CRADD: variants seen among roughly 807,000 people sequenced by gnomAD.
CRADD encodes CARD and death domain containing adaptor protein.
In CRADD, 9 loss-of-function variants were observed where a neutral mutation model predicts 15.5. The ratio of observed to expected loss-of-function variants is 0.58; its 90% CI spans 0.35 to 1.01. The LOEUF (loss-of-function observed/expected upper bound fraction) is 1.01, where lower values mean the gene tolerates loss of function less well. Ranked by LOEUF, CRADD falls within the 50% of genes least tolerant of loss-of-function variation. The pLI, the probability that CRADD is intolerant of heterozygous loss-of-function variation, is 0.02. For missense variants in CRADD, 227 were observed against 250.3 expected (o/e 0.91, Z 0.63); for synonymous variants, 118 against 107.6 (o/e 1.10, Z -0.60).
intron 2 of CRADD, among the ~76,000 whole-genome samples, chr12:93,694,434 C>T (rs2136821632): frequency 6.6e-6 from 1 of 152,232 alleles, no homozygotes; most frequent in East Asian, 1.9e-4. Flanking sequence ...CCACTCTCAC[C>T]ACTCTTACTC....
intron 2 of CRADD, among the ~76,000 whole-genome samples, chr12:93,863,414 T>C (rs1958333501): frequency 6.6e-6 from 1 of 152,210 alleles, no homozygotes; most frequent in Non-Finnish European, 1.5e-5. Context: ...TGCTTGGTAA[T>C]TGAACTTGAG....
chr12:93,782,842 T>A (rs1397309909), intron 2 of CRADD, among the ~76,000 whole-genome samples: 1 of 152,188 alleles, frequency 6.6e-6, no homozygotes, highest in African/African-American at 2.4e-5. Context: ...ATATGAGGCC[T>A]AAGACTCTTT....
In CRADD at chr12:93,786,130, C is replaced by T. The variant is rs140102124; in HGVS notation, c.299-63840C>T. Reference sequence around the variant, plus strand: ...TACAAATCCATGTTTTATGCAAAACCTCATATTTCTAAACTTTGGCAATTC... The same window carrying T: ...TACAAATCCATGTTTTATGCAAAACTTCATATTTCTAAACTTTGGCAATTC... On this transcript the variant is annotated intron_variant, in intron 2 of 2. Transcript: ENST00000332896. 3.3e-4 allele frequency among the ~76,000 whole-genome samples: 50 copies of T among 152,282 alleles called. No homozygotes were observed. The East Asian group carries it at 9.3e-3, about 28-fold the overall frequency.
chr12:93,756,425 G>A (rs528355601), intron 2 of CRADD, among the ~76,000 whole-genome samples: 2 of 152,278 alleles, frequency 1.3e-5, no homozygotes, highest in African/African-American at 4.8e-5. Context: ...TAAGACTTAG[G>A]CCCATTACTC....
At chr12:93,817,693 C>G (rs148929767) in intron 2 of CRADD, among the ~76,000 whole-genome samples, 16 of 152,146 alleles carry the variant, frequency 1.1e-4, no homozygotes, top group Middle Eastern at 6.8e-3. Context: ...TTGGGGCCTT[C>G]GAATCCACTC....
At chr12:93,887,992 G>A (rs950367581) in intron 2 of CRADD, among the ~76,000 whole-genome samples, 4 of 152,180 alleles carry the variant, frequency 2.6e-5, no homozygotes. Flanking sequence ...AGTGCCACCT[G>A]AGCTGAGACC....
intron 2 of CRADD, among the ~76,000 whole-genome samples, chr12:93,684,076 A>G (rs142972298): frequency 3.3e-5 from 5 of 152,240 alleles, no homozygotes; most frequent in African/African-American, 1.2e-4. Flanking sequence ...CGATTTTCAT[A>G]TACTTCCTAA....
At chr12:93,892,885 G>A (rs1038201089) in intron 2 of CRADD, among the ~76,000 whole-genome samples, 20 of 152,118 alleles carry the variant, frequency 1.3e-4, no homozygotes, top group African/African-American at 4.8e-4. Flanking sequence ...GGCCCATTAT[G>A]GAAAACGAAG....
chr12:93,864,813 CAT>C (rs577178036), intron 2 of CRADD, among the ~76,000 whole-genome samples: 1 of 152,174 alleles, frequency 6.6e-6, no homozygotes, highest in Non-Finnish European at 1.5e-5. Flanking sequence ...AAATCTTACA[CAT>C]GTTTCTTATG....
intron 2 of CRADD, among the ~76,000 whole-genome samples, chr12:93,759,775 C>T (rs765924736): frequency 6.6e-6 from 1 of 152,110 alleles, no homozygotes; most frequent in Non-Finnish European, 1.5e-5. Flanking sequence ...CCAGGAAATA[C>T]AGGAAAATAT....
At chr12:93,683,871 G>T (rs981908702) in intron 2 of CRADD, among the ~76,000 whole-genome samples, 2 of 152,198 alleles carry the variant, frequency 1.3e-5, no homozygotes, top group African/African-American at 2.4e-5. Flanking sequence ...ACCTTGCTCT[G>T]CATGTAAGTT....
intron 2 of CRADD, among the ~76,000 whole-genome samples, chr12:93,791,799 A>G (rs1003669913): frequency 6.6e-6 from 1 of 152,126 alleles, no homozygotes; most frequent in South Asian, 2.1e-4. Flanking sequence ...CCCTAAATAG[A>G]TACAATTATT....
intron 2 of CRADD, among the ~76,000 whole-genome samples, chr12:93,862,906 A>G (rs1179124029): frequency 3.3e-5 from 5 of 152,198 alleles, no homozygotes; most frequent in African/African-American, 1.2e-4. Flanking sequence ...AATAACCAAG[A>G]TTTTTAAAAA....
chr12:93,716,824 G>A (rs150352172), intron 2 of CRADD, among the ~76,000 whole-genome samples: 37 of 152,260 alleles, frequency 2.4e-4, no homozygotes, highest in African/African-American at 8.9e-4. Flanking sequence ...TATGAATAAA[G>A]CTGCTTATAA....
chr12:93,773,109 C>G (rs1239433792), intron 2 of CRADD, among the ~76,000 whole-genome samples: 1 of 152,158 alleles, frequency 6.6e-6, no homozygotes, highest in Non-Finnish European at 1.5e-5. Flanking sequence ...GTAATATTTA[C>G]CAGTCAGGTT....
At chr12:93,876,663 G>T (rs796534121) in intron 2 of CRADD, among the ~76,000 whole-genome samples, 28 of 152,076 alleles carry the variant, frequency 1.8e-4, no homozygotes, top group African/African-American at 6.8e-4. Flanking sequence ...ATTTTTGCTT[G>T]ATTCTTCTTA....
chr12:93,699,852 C>G (rs1412981756), intron 2 of CRADD, among the ~76,000 whole-genome samples: 5 of 152,142 alleles, frequency 3.3e-5, no homozygotes, highest in African/African-American at 1.2e-4. Flanking sequence ...CTAGAGAGCC[C>G]TTGTCCTTCA....
intron 2 of CRADD, among the ~76,000 whole-genome samples, chr12:93,763,078 C>G (rs1592969275): frequency 6.6e-6 from 1 of 152,242 alleles, no homozygotes; most frequent in Non-Finnish European, 1.5e-5. Context: ...AACTTCACAT[C>G]TGTTTTCTCA....
At chr12:93,846,922 A>G (rs144049885) in intron 2 of CRADD, among the ~76,000 whole-genome samples, 2 of 149,940 alleles carry the variant, frequency 1.3e-5, no homozygotes, top group African/African-American at 4.9e-5. Flanking sequence ...AACACAGTGA[A>G]ACCCCATCTC....
Sources: gnomAD v4.1 joint callset for allele counts (sites outside exome capture counted in the v4.1 genomes callset) on GRCh38, gnomAD v4.1.1 for gene constraint, MANE v1.5 for transcripts, NCBI Gene and HGNC (gene_info 2026-07-23, HGNC 2026-07-21) for gene names.